Variants in ZDHHC14 observed in about 807,000 individuals in gnomAD.
The protein encoded by ZDHHC14 is palmitoyltransferase ZDHHC14.
A neutral mutation model predicts 47.7 loss-of-function variants in ZDHHC14; 16 were observed. The ratio of observed to expected loss-of-function variants is 0.34; its 90% CI spans 0.23 to 0.51. The LOEUF is 0.51. Among genes scored for constraint, ZDHHC14 ranks in the 20% least tolerant of loss-of-function variants. The pLI is 0.97. For synonymous variants in ZDHHC14, 293 were observed against 278.9 expected (o/e 1.05, Z -0.50); for missense variants, 515 against 662.5 (o/e 0.78, Z 2.44).
chr6:157,530,659 T>C (rs1781329610), intron 1 of ZDHHC14, among the ~76,000 whole-genome samples: 1 of 152,250 alleles, frequency 6.6e-6, no homozygotes, highest in African/African-American at 2.4e-5. Flanking sequence ...GAAATACCTT[T>C]GTAGCCTTTT....
chr6:157,459,584 G>T (rs1779016385), intron 1 of ZDHHC14, among the ~76,000 whole-genome samples: 1 of 152,162 alleles, frequency 6.6e-6, no homozygotes, highest in South Asian at 2.1e-4. Context: ...TTTCCAGGGA[G>T]CTTGGAGCAG....
At chr6:157,405,451 C>T (rs1052621868) in intron 1 of ZDHHC14, among the ~76,000 whole-genome samples, 1 of 152,130 alleles carries the variant, frequency 6.6e-6, no homozygotes, top group Non-Finnish European at 1.5e-5. Flanking sequence ...CCAGGATGGT[C>T]TCGATCTCCT....
At chr6:157,422,063 A>G (rs965301498) in intron 1 of ZDHHC14, among the ~76,000 whole-genome samples, 1 of 152,058 alleles carries the variant, frequency 6.6e-6, no homozygotes, top group Admixed American at 6.6e-5. Context: ...AGGTGAGGAA[A>G]CTCGAACCCA....
chr6:157,478,239 A>G (rs372481422), intron 1 of ZDHHC14, among the ~76,000 whole-genome samples: 4 of 152,332 alleles, frequency 2.6e-5, no homozygotes, highest in Admixed American at 1.3e-4. Context: ...TAAAAAATTG[A>G]ACAATGATAG....
At chr6:157,587,419 G>A (rs1783736865) in intron 2 of ZDHHC14, among the ~76,000 whole-genome samples, 1 of 152,164 alleles carries the variant, frequency 6.6e-6, no homozygotes, top group Non-Finnish European at 1.5e-5. Context: ...CCCTGCTTTT[G>A]GAGCTCAGCA....
intron 8 of ZDHHC14, among the ~76,000 whole-genome samples, chr6:157,660,187 T>TC (rs59032148): frequency 0.22 from 32,625 of 145,794 alleles, 4,402 homozygotes; most frequent in East Asian, 0.52. Context: ...TTTCTTTTTT[T>TC]CTTTTTTTTT....
At chr6:157,481,099 T>C (rs1779618293) in intron 1 of ZDHHC14, among the ~76,000 whole-genome samples, 1 of 152,226 alleles carries the variant, frequency 6.6e-6, no homozygotes, top group South Asian at 2.1e-4. Context: ...CCAAATCATC[T>C]ATAACATTAT....
intron 1 of ZDHHC14, among the ~76,000 whole-genome samples, chr6:157,489,730 A>G (rs241587): frequency 0.62 from 93,995 of 152,060 alleles, 29,427 homozygotes; most frequent in East Asian, 0.86. Flanking sequence ...GGGAGGGGAG[A>G]AACCTGGGTT....
At chr6:157,443,660 A>G (rs1778602289) in intron 1 of ZDHHC14, among the ~76,000 whole-genome samples, 1 of 152,228 alleles carries the variant, frequency 6.6e-6, no homozygotes, top group South Asian at 2.1e-4. Flanking sequence ...TTTAAAATGA[A>G]TGGCCAAGGG....
chr6:157,539,617 G>A (rs879580321), intron 1 of ZDHHC14, among the ~76,000 whole-genome samples: 1 of 151,964 alleles, frequency 6.6e-6, no homozygotes, highest in African/African-American at 2.4e-5. Flanking sequence ...GTTCCCCCGG[G>A]GCGTCCAAAG....
chr6:157,614,359 C>G, intron 3 of ZDHHC14, among the ~76,000 whole-genome samples: 1 of 123,842 alleles, frequency 8.1e-6, no homozygotes, highest in East Asian at 3.9e-4. Context: ...TACTAGCTGA[C>G]TGATTTTTTT....
At chr6:157,505,246 C>T (rs1027860642) in intron 1 of ZDHHC14, among the ~76,000 whole-genome samples, 5 of 152,140 alleles carry the variant, frequency 3.3e-5, no homozygotes, top group Admixed American at 6.5e-5. Context: ...TAAGATCCAA[C>T]GGTATTGGTA....
At position 157,591,419 on chromosome 6, in the gene ZDHHC14, C is replaced by T. The variant is rs192375056; in HGVS notation, c.407-1569C>T. Among the ~76,000 whole-genome samples the T allele has an allele frequency of 8.5e-5, 13 of 152,184 alleles. No homozygotes were observed. The East Asian group carries it at 1.7e-3, about 20-fold the overall frequency. On this transcript the variant is annotated intron_variant, in intron 2 of 8. Transcript: ENST00000359775. ...TGCTGTTCTTGTGATAGTGATCTCCCGAGATCTGATTCTTTTATAAGAGGC... is the reference window on the plus strand; with the variant it reads ...TGCTGTTCTTGTGATAGTGATCTCCTGAGATCTGATTCTTTTATAAGAGGC...
intron 5 of ZDHHC14, among the ~76,000 whole-genome samples, chr6:157,645,269 G>A (rs1350860847): frequency 6.6e-6 from 1 of 152,106 alleles, no homozygotes; most frequent in Non-Finnish European, 1.5e-5. Context: ...ACGCCTGTTG[G>A]CACTGCAGTC....
At chr6:157,608,177 C>T (rs905354374) in intron 3 of ZDHHC14, among the ~76,000 whole-genome samples, 1 of 152,212 alleles carries the variant, frequency 6.6e-6, no homozygotes, top group African/African-American at 2.4e-5. Flanking sequence ...TGCCGTCATG[C>T]TGTATGTGCT....
intron 2 of ZDHHC14, among the ~76,000 whole-genome samples, chr6:157,579,167 C>T (rs923051618): frequency 7.5e-6 from 1 of 133,858 alleles, no homozygotes; most frequent in Non-Finnish European, 1.6e-5. Flanking sequence ...GCACTATGGC[C>T]ATTTTAATGA....
At chr6:157,437,641 C>T (rs573218231) in intron 1 of ZDHHC14, among the ~76,000 whole-genome samples, 19 of 152,294 alleles carry the variant, frequency 1.2e-4, no homozygotes, top group African/African-American at 4.3e-4. Context: ...ATTTCTTACT[C>T]GTAAAACGAC....
chr6:157,524,779 A>G lies in ZDHHC14; in HGVS notation c.246-17806A>G, dbSNP rs559589116. Among the ~76,000 whole-genome samples the G allele has an allele frequency of 7.2e-5, 11 of 152,310 alleles. No individual in the cohort carries two copies. The South Asian group carries it at 1.9e-3, about 26-fold the overall frequency. ...ACTGTAGGTAGAAAGAATATTCGGG[A>G]TTTATTCCCTTCCCTGTGATTCTGT... On this transcript the variant is annotated intron_variant, in intron 1 of 8. Coordinates refer to ENST00000359775, the MANE Select transcript of ZDHHC14 (RefSeq NM_024630.3).
intron 2 of ZDHHC14, among the ~76,000 whole-genome samples, chr6:157,578,983 T>C (rs1325012064): frequency 6.6e-6 from 1 of 152,200 alleles, no homozygotes; most frequent in Non-Finnish European, 1.5e-5. Flanking sequence ...CCTTGTAGTA[T>C]AGTTTGAAGT....
Sources: gnomAD v4.1 joint callset for allele counts (sites outside exome capture counted in the v4.1 genomes callset) on GRCh38, gnomAD v4.1.1 for gene constraint, MANE v1.5 for transcripts, NCBI Gene and HGNC (gene_info 2026-07-23, HGNC 2026-07-21) for gene names.